Variants in ARMC9 observed in about 807,000 individuals in gnomAD.
ARMC9 encodes armadillo repeat containing 9.
ARMC9 carries 94 observed loss-of-function variants against 107.0 expected under a neutral mutation model. The observed-to-expected ratio is 0.88, with a 90% CI of 0.74 to 1.04. The LOEUF (loss-of-function observed/expected upper bound fraction) is 1.04, where lower values mean the gene tolerates loss of function less well. Ranked by LOEUF, ARMC9 falls within the 50% of genes least tolerant of loss-of-function variation. The probability of loss-of-function intolerance (pLI) is 0.00; values close to 1 mark genes in which losing one functional copy is unlikely to be tolerated. For synonymous variants in ARMC9, 380 were observed against 396.9 expected, an observed-to-expected ratio of 0.96 and a Z score of 0.51; for missense variants, 942 against 1,030.1, an observed-to-expected ratio of 0.91 and a Z score of 1.17.
In ARMC9 at chr2:231,273,082, A is replaced by G; in HGVS notation, c.1334+4A>G. The G allele has an allele frequency of 6.2e-7, 1 of 1,612,392 alleles. No individual in the cohort carries two copies. Among genetic ancestry groups the G allele is most frequent in the African/African-American group, 1.3e-5 (1 of 74,976 alleles). On this transcript the variant is annotated splice_donor_region_variant and intron_variant, in intron 14 of 24. Transcript: ENST00000611582. ...CCCTGCAGAAGTTCAGTCTCAGGTA[A>G]CGACTGTGCAATAGGTCACGGTGTC...
At position 231,362,869 on chromosome 2, in the gene ARMC9, C is replaced by T. The variant is rs1432910728; in HGVS notation, c.2261+1986C>T. ...CTCACTGAAGCATCCCTTCCTCCTG[C>T]CTGACCCCAAAGTGCGGGTCACGCC... On this transcript the variant is annotated intron_variant, in intron 23 of 24. Coordinates refer to ENST00000611582, the MANE Select transcript of ARMC9 (RefSeq NM_001352754.2). This position sits in a 1 kb window ranked among gnomAD's most constrained non-coding sequence, Gnocchi z 4.7. 1 of 154,318 alleles carries T rather than the reference C, an allele frequency of 6.5e-6. No individual in the cohort carries two copies. Among genetic ancestry groups the T allele is most frequent in the African/African-American group, 2.4e-5 (1 of 41,502 alleles). The allele number at this position is 154,318 out of a possible 1,614,324, so 9.6% of individuals were successfully genotyped here. A position where few individuals can be genotyped will look rare whatever the true frequency, so the allele number is the denominator to read the frequency against.
rs998397594 is a variant in ARMC9, at chr2:231,291,504, C to T, written c.1717+61C>T. 5.9e-6 allele frequency: 9 copies of T among 1,529,786 alleles called. No homozygotes were observed. The Admixed American group carries it at 1.2e-4, about 20-fold the overall frequency. The allele number at this position is 1,529,786 out of a possible 1,614,324, so 94.8% of individuals were successfully genotyped here. On this transcript the variant is annotated intron_variant, in intron 18 of 24. Coordinates refer to ENST00000611582, the MANE Select transcript of ARMC9 (RefSeq NM_001352754.2). ...GAATTATTCACATTTGCCAGAAAGACACATGGCATTTCATTCAAGAGGCCT... is the reference window on the plus strand; with the variant it reads ...GAATTATTCACATTTGCCAGAAAGATACATGGCATTTCATTCAAGAGGCCT...
chr2:231,266,992 T>C (rs2038911334), intron 12 of ARMC9, among the ~76,000 whole-genome samples: 1 of 152,234 alleles, frequency 6.6e-6, no homozygotes, highest in Non-Finnish European at 1.5e-5. Context: ...TTGTGCTGAG[T>C]AGCAAGCATC....
chr2:231,265,249 G>A (rs1250441522), intron 12 of ARMC9, among the ~76,000 whole-genome samples: 3 of 152,228 alleles, frequency 2.0e-5, no homozygotes, highest in African/African-American at 7.2e-5. Flanking sequence ...AGTCCCACTA[G>A]TGGCCATCCA....
chr2:231,358,185 GA>G lies in ARMC9; in HGVS notation c.2131+2252del, dbSNP rs2045418052. ...AAGTCCATTAAGCCAGGGTATGAAT[GA>G]GGGGGAGGGGGATGAGCAGCAGGGA... On this transcript the variant is annotated intron_variant, in intron 22 of 24. Coordinates refer to ENST00000611582, the MANE Select transcript of ARMC9 (RefSeq NM_001352754.2). This position sits in a 1 kb window ranked among gnomAD's most constrained non-coding sequence, Gnocchi z 4.5. 6.6e-6 allele frequency among the ~76,000 whole-genome samples: 1 copy of G among 152,166 alleles called. No homozygotes were observed. The highest frequency in any genetic ancestry group is 1.5e-5 in the Non-Finnish European group (1 of 68,034).
At chr2:231,246,213 CTTTTA>C (rs938385324) in intron 9 of ARMC9, among the ~76,000 whole-genome samples, 3 of 152,150 alleles carry the variant, frequency 2.0e-5, no homozygotes, top group Admixed American at 6.5e-5. Context: ...ATTTATTTGG[CTTTTA>C]TTTTAGGCTC....
chr2:231,220,893 A>G (rs1413490292), intron 5 of ARMC9, among the ~76,000 whole-genome samples: 3 of 152,222 alleles, frequency 2.0e-5, no homozygotes, highest in Admixed American at 6.5e-5. Context: ...CAACAGAGCA[A>G]TCTAACTGGA....
intron 7 of ARMC9, among the ~76,000 whole-genome samples, chr2:231,231,401 A>G (rs756172751): frequency 8.5e-5 from 13 of 152,092 alleles, no homozygotes; most frequent in Non-Finnish European, 1.6e-4. Context: ...GTATTCATTT[A>G]TTTTTTTGAG....
intron 19 of ARMC9, among the ~76,000 whole-genome samples, chr2:231,324,328 A>G (rs1238647647): frequency 6.6e-6 from 1 of 151,240 alleles, no homozygotes; most frequent in Non-Finnish European, 1.5e-5. Flanking sequence ...GGGTTTCACC[A>G]TATTGGCCAG....
At chr2:231,350,765 TTGTCAATGA>T (rs1230652190) in intron 21 of ARMC9, among the ~76,000 whole-genome samples, 3 of 151,924 alleles carry the variant, frequency 2.0e-5, no homozygotes, top group Non-Finnish European at 2.9e-5. Context: ...TTAACTCCTC[TTGTCAATGA>T]TGATCTCAAT....
At chr2:231,278,267 G>A (rs368160762) in intron 15 of ARMC9, 115 bp from the exon 16 acceptor site, 82 of 970,258 alleles carry the variant, frequency 8.5e-5, no homozygotes, top group Middle Eastern at 2.1e-4. Context: ...CAGCTCACCC[G>A]AGGTCATACA....
rs970629333 is a variant in ARMC9 at position 231,267,893 on chromosome 2, A to G, written c.1120-3089A>G. 9.2e-5 allele frequency among the ~76,000 whole-genome samples: 14 copies of G among 152,198 alleles called. No homozygotes were observed. Among genetic ancestry groups the G allele is most frequent in the African/African-American group, 2.9e-4 (12 of 41,436 alleles). On this transcript the variant is annotated intron_variant, in intron 12 of 24. Coordinates refer to ENST00000611582, the MANE Select transcript of ARMC9 (RefSeq NM_001352754.2). ...GATAAGCCCCAACCAAAACGTGCCC[A>G]TATGTTCACTAAAAAACATGCAAGA... is the stretch of plus-strand genomic sequence containing the variant.
chr2:231,371,089 C>T (rs551148685), intron 24 of ARMC9: 5 of 465,400 alleles, frequency 1.1e-5, no homozygotes, highest in East Asian at 6.7e-5. Flanking sequence ...CCAGGTCAGG[C>T]GCAGAGGAGG....
intron 19 of ARMC9, among the ~76,000 whole-genome samples, chr2:231,325,373 C>G (rs2043257304): frequency 6.6e-6 from 1 of 152,184 alleles, no homozygotes; most frequent in African/African-American, 2.4e-5. Context: ...TAAAGAAACA[C>G]TTTTGCTGGC....
chr2:231,315,492 T>C (rs1045455539), intron 19 of ARMC9, among the ~76,000 whole-genome samples: 5 of 152,160 alleles, frequency 3.3e-5, no homozygotes, highest in Non-Finnish European at 5.9e-5. Flanking sequence ...TGAGCCGAGA[T>C]TGTGCCACTG....
At chr2:231,217,972 C>T (rs1410277751) in intron 5 of ARMC9, among the ~76,000 whole-genome samples, 3 of 146,950 alleles carry the variant, frequency 2.0e-5, no homozygotes, top group Admixed American at 6.7e-5. Flanking sequence ...GGATTACAGG[C>T]GTGAGCCACC....
At chr2:231,286,263 C>T (rs891338612) in intron 17 of ARMC9, among the ~76,000 whole-genome samples, 6 of 152,198 alleles carry the variant, frequency 3.9e-5, no homozygotes, top group Middle Eastern at 3.4e-3. Flanking sequence ...TTACAGGTGC[C>T]CACCACCATG....
At chr2:231,366,494 G>A (rs940652478) in intron 23 of ARMC9, among the ~76,000 whole-genome samples, 11 of 152,092 alleles carry the variant, frequency 7.2e-5, no homozygotes, top group Non-Finnish European at 2.9e-5. Context: ...GGCCAGGAGT[G>A]TGAGGCCAGC....
chr2:231,206,889 C>T (rs972025353), intron 2 of ARMC9, among the ~76,000 whole-genome samples: 1 of 152,238 alleles, frequency 6.6e-6, no homozygotes, highest in Non-Finnish European at 1.5e-5. Context: ...GTGTGAGTAA[C>T]CACCTGCAGG....
Sources: gnomAD v4.1 joint callset for allele counts (sites outside exome capture counted in the v4.1 genomes callset) on GRCh38, gnomAD v4.1.1 for gene constraint, Gnocchi (gnomAD v3.1) non-coding constraint, MANE v1.5 for transcripts, NCBI Gene and HGNC (gene_info 2026-07-23, HGNC 2026-07-21) for gene names.